The following STPG1 variants were observed in gnomAD, a reference collection of about 807,000 sequenced individuals.
STPG1 encodes sperm tail PG-rich repeat containing 1, also known as O(6)-methylguanine-induced apoptosis 2.
Under a neutral mutation model 40.1 loss-of-function variants are expected in STPG1, and 33 were observed. The ratio of observed to expected loss-of-function variants is 0.82; its 90% CI spans 0.62 to 1.10. The LOEUF is 1.10. STPG1 is among the 50% of genes least tolerant of loss of function. The pLI is 0.00. For synonymous variants in STPG1, 150 were observed against 155.0 expected (o/e 0.97, Z 0.24); for missense variants, 396 against 415.1 (o/e 0.95, Z 0.40).
At chr1:24,372,156 T>C (rs1199662470) in intron 6 of STPG1, among the ~76,000 whole-genome samples, 1 of 151,952 alleles carries the variant, frequency 6.6e-6, no homozygotes, top group Non-Finnish European at 1.5e-5. Flanking sequence ...CCAGCCTGGG[T>C]AACAGAGCAA....
At chr1:24,394,479 C>T (rs1642909291) in intron 2 of STPG1, among the ~76,000 whole-genome samples, 1 of 152,124 alleles carries the variant, frequency 6.6e-6, no homozygotes, top group Non-Finnish European at 1.5e-5. Flanking sequence ...AAATATACTT[C>T]AAAGTGGGGA....
At chr1:24,380,156 T>C (rs189872908) in intron 4 of STPG1, among the ~76,000 whole-genome samples, 2 of 152,332 alleles carry the variant, frequency 1.3e-5, no homozygotes, top group Non-Finnish European at 1.5e-5. Context: ...ATTTATGTGA[T>C]AGGAAGCTTT....
intron 2 of STPG1, among the ~76,000 whole-genome samples, chr1:24,394,270 A>G (rs1642902320): frequency 6.6e-6 from 1 of 152,150 alleles, no homozygotes; most frequent in African/African-American, 2.4e-5. Context: ...GGGCAAAATT[A>G]CCCCTAGACT....
At chr1:24,408,899 G>A (rs1458898373) in intron 1 of STPG1, among the ~76,000 whole-genome samples, 1 of 152,086 alleles carries the variant, frequency 6.6e-6, no homozygotes, top group Non-Finnish European at 1.5e-5. Context: ...AATCCTCACA[G>A]CAGCAATTTT....
At chr1:24,412,707 A>G (rs140475257) in intron 1 of STPG1, among the ~76,000 whole-genome samples, 2 of 152,282 alleles carry the variant, frequency 1.3e-5, no homozygotes, top group African/African-American at 4.8e-5. Flanking sequence ...AAATAATAAT[A>G]ATAGTATTGA....
At chr1:24,366,189 T>C (rs563421704) in intron 7 of STPG1, among the ~76,000 whole-genome samples, 1 of 152,166 alleles carries the variant, frequency 6.6e-6, no homozygotes, top group Non-Finnish European at 1.5e-5. Context: ...GGTCTCCCCC[T>C]GCATGGCACG....
chr1:24,413,905 A>AGCGGGGTGGGGAACTAATAAGAGGTTT (rs1367724716), upstream of STPG1: 2 of 152,244 alleles, frequency 1.3e-5, no homozygotes, highest in African/African-American at 4.8e-5. Flanking sequence ...CAGGGCCTGT[A>AGCGGGGTGGGGAACTAATAAGAGGTTT]GCGGGGTGGG....
At chr1:24,365,355 T>C (rs1641387186) in intron 7 of STPG1, among the ~76,000 whole-genome samples, 2 of 152,198 alleles carry the variant, frequency 1.3e-5, no homozygotes, top group African/African-American at 4.8e-5. Flanking sequence ...TTGGAAGGCA[T>C]TGCCTAGGAG....
chr1:24,366,035 G>A (rs1641437970), intron 7 of STPG1, among the ~76,000 whole-genome samples: 1 of 152,176 alleles, frequency 6.6e-6, no homozygotes, highest in African/African-American at 2.4e-5. Flanking sequence ...AGTAACATGA[G>A]ACTAAAAACT....
intron 3 of STPG1, among the ~76,000 whole-genome samples, chr1:24,385,514 G>A (rs1410127503): frequency 6.6e-6 from 1 of 152,166 alleles, no homozygotes; most frequent in East Asian, 1.9e-4. Context: ...CTAGGCAACT[G>A]TTTTCAGGGC....
chr1:24,369,682 A>T lies in STPG1; in HGVS notation c.729T>A (p.Thr243=). Residue 243 remains threonine, a synonymous_variant, in exon 7 of 9, where the codon ACT becomes ACA. Transcript: ENST00000337248. ...GAATGATTGGGACTCACGGGAAAAGAGTCTTTTTTGGAACTTTTGTGCAAT... is the reference window on the plus strand; with the variant it reads ...GAATGATTGGGACTCACGGGAAAAGTGTCTTTTTTGGAACTTTTGTGCAAT... ...PSDCTKVPKK[T]LFPKNPILNF... 1 of 1,590,842 alleles carries T rather than the reference A, an allele frequency of 6.3e-7. No individual in the cohort carries two copies. Among genetic ancestry groups the T allele is most frequent in the Admixed American group, 1.8e-5 (1 of 56,742 alleles).
intron 3 of STPG1, among the ~76,000 whole-genome samples, chr1:24,390,797 T>TG (rs1251245602): frequency 1.3e-5 from 2 of 150,824 alleles, no homozygotes; most frequent in African/African-American, 4.9e-5. Context: ...ATTACAAAGG[T>TG]AATTTTTTTT....
At position 24,359,986 on chromosome 1, in the gene STPG1, A is replaced by G. The variant is rs1215510319; in HGVS notation, c.928+865T>C. Reference sequence around the variant, plus strand: ...GTTCAAAAGAGCTGCTCCGTTGGACAGTCCCTGGTTAATTTCATGAACAAA... The same window carrying G: ...GTTCAAAAGAGCTGCTCCGTTGGACGGTCCCTGGTTAATTTCATGAACAAA... On this transcript the variant is annotated intron_variant, in intron 8 of 8. Coordinates refer to ENST00000337248, the MANE Select transcript of STPG1 (RefSeq NM_001199013.2). This position sits in a 1 kb window ranked among gnomAD's most constrained non-coding sequence, Gnocchi z 5.3. 1.3e-5 allele frequency among the ~76,000 whole-genome samples: 2 copies of G among 152,096 alleles called. No individual in the cohort carries two copies. The highest frequency in any genetic ancestry group is 2.9e-5 in the Non-Finnish European group (2 of 68,004).
intron 1 of STPG1, among the ~76,000 whole-genome samples, chr1:24,402,131 T>A (rs939822668): frequency 6.6e-6 from 1 of 152,270 alleles, no homozygotes; most frequent in East Asian, 1.9e-4. Flanking sequence ...TTATCTATGA[T>A]GCTGAGAAGC....
At chr1:24,383,579 G>C (rs1444253120) in intron 4 of STPG1, among the ~76,000 whole-genome samples, 1 of 152,210 alleles carries the variant, frequency 6.6e-6, no homozygotes, top group Non-Finnish European at 1.5e-5. Flanking sequence ...ATGTGTAAGA[G>C]TAACTATTTC....
At chr1:24,386,128 A>G (rs1264636315) in intron 3 of STPG1, among the ~76,000 whole-genome samples, 2 of 152,230 alleles carry the variant, frequency 1.3e-5, no homozygotes, top group African/African-American at 4.8e-5. Context: ...AGAATTTCAG[A>G]TAAACTGCAG....
intron 5 of STPG1, among the ~76,000 whole-genome samples, chr1:24,375,577 A>AAT (rs1641985563): frequency 6.6e-6 from 1 of 152,114 alleles, no homozygotes; most frequent in Non-Finnish European, 1.5e-5. Flanking sequence ...GAGAGAAGGT[A>AAT]ATAACACATT....
chr1:24,366,398 C>A (rs1473810296), intron 7 of STPG1, among the ~76,000 whole-genome samples: 1 of 152,162 alleles, frequency 6.6e-6, no homozygotes, highest in Non-Finnish European at 1.5e-5. Flanking sequence ...CAGGAGAAAA[C>A]AGAACTGGAA....
chr1:24,393,053 T>C (rs769605374), intron 2 of STPG1, among the ~76,000 whole-genome samples: 1 of 152,144 alleles, frequency 6.6e-6, no homozygotes. Flanking sequence ...AGCTTCACAG[T>C]TGAGGAAACT....
Sources: allele counts gnomAD v4.1 joint callset (sites outside exome capture counted in the v4.1 genomes callset), GRCh38; gene constraint gnomAD v4.1.1; non-coding constraint Gnocchi (gnomAD v3.1); transcripts MANE v1.5; gene names NCBI Gene and HGNC (gene_info 2026-07-23, HGNC 2026-07-21).